Variants in ACTN1 observed in about 807,000 individuals in gnomAD.
The protein encoded by ACTN1 is alpha-actinin-1.
A neutral mutation model predicts 119.6 loss-of-function variants in ACTN1; 30 were observed. That is an observed-to-expected ratio of 0.25 (90% CI 0.19 to 0.34). ACTN1 has a LOEUF of 0.34. ACTN1 is among the 10% of genes least tolerant of loss of function. The pLI, the probability that ACTN1 is intolerant of heterozygous loss-of-function variation, is 1.00. For missense variants in ACTN1, 764 were observed against 1,223.4 expected (o/e 0.62, Z 5.60); for synonymous variants, 429 against 472.6 (o/e 0.91, Z 1.20).
At chr14:68,887,578 C>A in intron 11 of ACTN1, 1 of 1,382,022 alleles carries the variant, frequency 7.2e-7, no homozygotes, top group South Asian at 1.2e-5. Context: ...CTGGTTGTAC[C>A]AAAAAATAAA....
intron 1 of ACTN1, chr14:68,978,535 T>G: frequency 3.3e-6 from 1 of 299,060 alleles, no homozygotes; most frequent in Non-Finnish European, 6.5e-6. Flanking sequence ...CCGCACGCCA[T>G]ATGGAGAGGT....
intron 1 of ACTN1, among the ~76,000 whole-genome samples, chr14:68,959,095 C>T (rs2036444180): frequency 6.6e-6 from 1 of 152,210 alleles, no homozygotes; most frequent in Admixed American, 6.5e-5. Context: ...CTGTGAAGAC[C>T]TCAGAAAACC....
chr14:68,931,372 A>G (rs1438973423), intron 1 of ACTN1, among the ~76,000 whole-genome samples: 2 of 152,232 alleles, frequency 1.3e-5, no homozygotes, highest in Non-Finnish European at 2.9e-5. Context: ...AAGAGGCAAG[A>G]GAGATCATTA....
At chr14:68,914,866 G>T (rs1248979342) in intron 3 of ACTN1, among the ~76,000 whole-genome samples, 1 of 152,072 alleles carries the variant, frequency 6.6e-6, no homozygotes, top group Non-Finnish European at 1.5e-5. Flanking sequence ...AGTGTAAATT[G>T]GTTTAAAAAA....
At chr14:68,893,776 C>T (rs1484440375) in intron 8 of ACTN1, 29 bp from the exon 9 acceptor site, 1 of 1,609,104 alleles carries the variant, frequency 6.2e-7, no homozygotes, top group African/African-American at 1.3e-5. Context: ...GAGTCACGAC[C>T]AGCCAGCCCC....
At chr14:68,958,713 T>C (rs1260944799) in intron 1 of ACTN1, among the ~76,000 whole-genome samples, 1 of 152,140 alleles carries the variant, frequency 6.6e-6, no homozygotes, top group East Asian at 1.9e-4. Context: ...AGGCCAAAAC[T>C]GGAAACCACG....
intron 1 of ACTN1, among the ~76,000 whole-genome samples, chr14:68,975,590 G>A (rs1478388241): frequency 6.6e-6 from 1 of 152,158 alleles, no homozygotes; most frequent in Non-Finnish European, 1.5e-5. Flanking sequence ...CTAAGAATGT[G>A]AGCGAAATTA....
At chr14:68,956,751 C>A (rs1055786749) in intron 1 of ACTN1, among the ~76,000 whole-genome samples, 1 of 152,194 alleles carries the variant, frequency 6.6e-6, no homozygotes, top group African/African-American at 2.4e-5. Flanking sequence ...AAAGGAACCT[C>A]TCCTTCACAG....
At chr14:68,884,987 A>G in intron 12 of ACTN1, 104 bp from the exon 13 acceptor site, 1 of 931,242 alleles carries the variant, frequency 1.1e-6, no homozygotes, top group East Asian at 2.5e-5. Flanking sequence ...TGCTGGGAAG[A>G]GCCAGGGGCG....
At chr14:68,912,074 C>T (rs2034042589) in intron 4 of ACTN1, 82 bp downstream of exon 4, 1 of 1,327,926 alleles carries the variant, frequency 7.5e-7, no homozygotes, top group Admixed American at 1.8e-5. Flanking sequence ...CGTCCGTTGC[C>T]CTGGGTATGG....
Position 68,946,784 on chromosome 14 carries a change from C to T in ACTN1, c.106-21112G>A, listed in dbSNP as rs563123379. On this transcript the variant is annotated intron_variant, in intron 1 of 21. Transcript: ENST00000394419. The stretch of plus-strand genomic sequence containing the variant: ...CAGGTTCCCAAGGCCATCATGGAGG[C>T]CCTCAGCCCTCACCTCCTTCCTGTC... Among the ~76,000 whole-genome samples the T allele has an allele frequency of 5.3e-5, 8 of 152,292 alleles. 1 individual carries two copies. Among genetic ancestry groups the T allele is most frequent in the African/African-American group, 1.9e-4 (8 of 41,568 alleles).
intron 1 of ACTN1, among the ~76,000 whole-genome samples, chr14:68,952,392 CA>C (rs1371630645): frequency 3.3e-5 from 5 of 152,352 alleles, no homozygotes; most frequent in African/African-American, 1.2e-4. Context: ...ACAAAGAATA[CA>C]GCTTCAGCCT....
intron 1 of ACTN1, among the ~76,000 whole-genome samples, chr14:68,975,173 TG>T (rs1358170205): frequency 2.0e-5 from 3 of 152,236 alleles, no homozygotes; most frequent in Non-Finnish European, 4.4e-5. Context: ...TAGCCTCACC[TG>T]TCTGCAGAAT....
intron 1 of ACTN1, among the ~76,000 whole-genome samples, chr14:68,963,949 C>T (rs867513710): frequency 2.0e-5 from 3 of 152,166 alleles, no homozygotes; most frequent in South Asian, 2.1e-4. Context: ...TTTATTCATG[C>T]AACTAGCATG....
At chr14:68,888,632 G>A (rs575348054) in intron 11 of ACTN1, among the ~76,000 whole-genome samples, 7 of 152,260 alleles carry the variant, frequency 4.6e-5, no homozygotes, top group South Asian at 4.1e-4. Context: ...GTACTGGTCC[G>A]TGGCCTGTTA....
intron 1 of ACTN1, among the ~76,000 whole-genome samples, chr14:68,943,757 C>T (rs1270129955): frequency 6.6e-6 from 1 of 152,208 alleles, no homozygotes; most frequent in Non-Finnish European, 1.5e-5. Flanking sequence ...CAAGTCCACT[C>T]AACAATTCTA....
rs1043074779 is a variant in ACTN1, at chr14:68,874,708, C to T, written c.*151G>A. ...CAGAAAATAATTTTGTAAACTGTCA[C>T]TTCGCGGGCAGGGAGGATCGATGCC... On this transcript the variant is annotated 3_prime_UTR_variant, in exon 22 of 22. Transcript: ENST00000394419. The T allele has an allele frequency of 2.3e-5, 16 of 704,908 alleles. No individual in the cohort carries two copies. The African/African-American group carries it at 2.4e-4, about 10-fold the overall frequency. 43.7% of individuals were successfully genotyped at this position (704,908 alleles called of 1,614,324 possible).
chr14:68,908,010 C>CTT (rs112626957), intron 6 of ACTN1, among the ~76,000 whole-genome samples: 1,651 of 146,946 alleles, frequency 0.011, 19 homozygotes, highest in African/African-American at 0.039. Context: ...GGAAGGTTCT[C>CTT]TTTTTTTTTT....
intron 1 of ACTN1, among the ~76,000 whole-genome samples, chr14:68,940,677 T>TAAAAA (rs56676308): frequency 7.2e-6 from 1 of 138,318 alleles, no homozygotes; most frequent in Non-Finnish European, 1.6e-5. Flanking sequence ...TGTCTCTACT[T>TAAAAA]AAAAAAAAAA....
Sources: gnomAD v4.1 joint callset for allele counts (sites outside exome capture counted in the v4.1 genomes callset) on GRCh38, gnomAD v4.1.1 for gene constraint, MANE v1.5 for transcripts, NCBI Gene and HGNC (gene_info 2026-07-23, HGNC 2026-07-21) for gene names.